Variants in TRAT1 observed in about 807,000 individuals in gnomAD.
The protein encoded by TRAT1 is T cell receptor associated transmembrane adaptor 1.
TRAT1 carries 20 observed loss-of-function variants against 20.0 expected under a neutral mutation model. That is an observed-to-expected ratio of 1.00 (90% CI 0.70 to 1.45). TRAT1 has a LOEUF of 1.45. Among genes scored for constraint, TRAT1 ranks in the 40% most tolerant of loss-of-function variants. The pLI is 0.00. For synonymous variants in TRAT1, 77 were observed against 74.2 expected (o/e 1.04, Z -0.20); for missense variants, 237 against 224.1 (o/e 1.06, Z -0.37).
In TRAT1 at chr3:108,849,220, T is replaced by A. The variant is rs1239504541; in HGVS notation, c.269T>A (p.Val90Glu). ...EQMKARPEKS[V>E]NKMQEATPSA... is the part of the protein sequence containing the mutation. ...ATGAAAGCCCGACCAGAGAAATCTG[T>A]AAATAAGATGCAGGAAGCCACCCCA... Residue 90 changes from valine (V) to glutamate (E), a missense_variant, in exon 5 of 6, where the codon GTA (valine) becomes GAA (glutamate). Physicochemically the swap from Val to Glu is moderately radical, Grantham distance 121 (BLOSUM62 -2). Transcript: ENST00000295756. The A allele has an allele frequency of 6.2e-7, 1 of 1,614,108 alleles. No individual in the cohort carries two copies. The highest frequency in any genetic ancestry group is 1.1e-5 in the South Asian group (1 of 91,076).
Position 108,854,222 on chromosome 3 carries a change from A to G in TRAT1, c.*345A>G, listed in dbSNP as rs1946025292. On this transcript the variant is annotated 3_prime_UTR_variant, in exon 6 of 6. Coordinates refer to ENST00000295756, the MANE Select transcript of TRAT1 (RefSeq NM_016388.4). ...CACAATACCTAATACTTAGGGAAAT[A>G]TAAAAATTTAAGCATGAATGTGTTC... 1 of 179,122 alleles carries G rather than the reference A, an allele frequency of 5.6e-6. No individual in the cohort carries two copies. Among genetic ancestry groups the G allele is most frequent in the Non-Finnish European group, 1.2e-5 (1 of 84,756 alleles). 11.1% of individuals were successfully genotyped at this position (179,122 alleles called of 1,614,324 possible).
At position 108,830,680 on chromosome 3, in the gene TRAT1, G is replaced by A. The variant is rs866806930; in HGVS notation, c.18G>A (p.Gly6=). 1.2e-6 allele frequency: 2 copies of A among 1,609,568 alleles called. No individual in the cohort carries two copies. The highest frequency in any genetic ancestry group is 2.7e-5 in the African/African-American group (2 of 74,954). ...TATTTTAATTTCCAGGAATCTCTGG[G>A]TGCCCCTTTTTCCTCTGGGGACTTC... is the stretch of plus-strand genomic sequence containing the variant. The part of the protein sequence containing the change: MSGIS[G]CPFFLWGLLA... The change falls in exon 2 of 6, where the codon GGG becomes GGA. Residue 6 remains glycine, a synonymous_variant. Coordinates refer to ENST00000295756, the MANE Select transcript of TRAT1 (RefSeq NM_016388.4).
chr3:108,841,517 G>A (rs575489970), intron 3 of TRAT1, among the ~76,000 whole-genome samples: 3 of 152,006 alleles, frequency 2.0e-5, no homozygotes, highest in East Asian at 1.9e-4. Flanking sequence ...TGGGGCTTGC[G>A]TTACTGATGC....
At chr3:108,829,604 C>CACACACACAG (rs1559820113) in intron 1 of TRAT1, among the ~76,000 whole-genome samples, 1 of 151,752 alleles carries the variant, frequency 6.6e-6, no homozygotes, top group African/African-American at 2.4e-5. Flanking sequence ...CACACACACA[C>CACACACACAG]ACACACACAC....
intron 1 of TRAT1, among the ~76,000 whole-genome samples, chr3:108,826,110 T>C (rs935977016): frequency 1.1e-4 from 16 of 152,166 alleles, no homozygotes; most frequent in Non-Finnish European, 2.2e-4. Flanking sequence ...TATACTTTCT[T>C]CAATTAAATT....
intron 2 of TRAT1, among the ~76,000 whole-genome samples, chr3:108,837,324 C>T (rs1945849540): frequency 6.6e-6 from 1 of 152,182 alleles, no homozygotes; most frequent in Non-Finnish European, 1.5e-5. Context: ...CAGCTTAGTG[C>T]ATATGCTCCG....
chr3:108,839,449 T>G (rs978454248), intron 3 of TRAT1: 1 of 152,450 alleles, frequency 6.6e-6, no homozygotes, highest in African/African-American at 2.4e-5. Context: ...CTGGCTAACA[T>G]GGTGAAACCC....
intron 3 of TRAT1, among the ~76,000 whole-genome samples, chr3:108,842,630 T>C (rs2715679): frequency 0.6 from 91,566 of 152,046 alleles, 28,611 homozygotes; most frequent in East Asian, 0.9. Flanking sequence ...TTCTGAGAAT[T>C]TCGGGGTTCC....
chr3:108,824,608 A>G (rs955207383), intron 1 of TRAT1, among the ~76,000 whole-genome samples: 1 of 152,234 alleles, frequency 6.6e-6, no homozygotes, highest in Non-Finnish European at 1.5e-5. Flanking sequence ...GATTGCATAT[A>G]TTATAATTTC....
In TRAT1 at chr3:108,842,567, C is replaced by T. The variant is rs562088344; in HGVS notation, c.152+3600C>T. Among the ~76,000 whole-genome samples the T allele has an allele frequency of 4.6e-5, 7 of 152,268 alleles. No homozygotes were observed. The East Asian group carries it at 1.4e-3, about 29-fold the overall frequency. On this transcript the variant is annotated intron_variant, in intron 3 of 5. Transcript: ENST00000295756. ...TGTTTCAATGTACAAATAATCATAACCCAAGCCCCAGCCCTGTATAACTAC... is the reference window on the plus strand; with the variant it reads ...TGTTTCAATGTACAAATAATCATAATCCAAGCCCCAGCCCTGTATAACTAC...
intron 2 of TRAT1, among the ~76,000 whole-genome samples, chr3:108,836,304 A>G (rs1236586084): frequency 6.6e-6 from 1 of 152,140 alleles, no homozygotes; most frequent in Non-Finnish European, 1.5e-5. Context: ...AATCCACATT[A>G]TCTTTTAAAA....
intron 4 of TRAT1, 113 bp from the exon 5 acceptor site, chr3:108,849,053 T>G: frequency 1.2e-6 from 1 of 868,346 alleles, no homozygotes; most frequent in Non-Finnish European, 1.8e-6. Flanking sequence ...ACTAGTTAAG[T>G]AATTCTTGGG....
intron 3 of TRAT1, among the ~76,000 whole-genome samples, chr3:108,839,623 C>T (rs895704286): frequency 3.0e-4 from 43 of 144,044 alleles, no homozygotes; most frequent in East Asian, 1.0e-3. Flanking sequence ...TCCAGCTGGA[C>T]GACAGAGTGA....
At chr3:108,848,489 G>A (rs1262344781) in intron 4 of TRAT1, among the ~76,000 whole-genome samples, 1 of 152,048 alleles carries the variant, frequency 6.6e-6, no homozygotes, top group Non-Finnish European at 1.5e-5. Flanking sequence ...GACATATCTG[G>A]GGGAAGAAAG....
intron 3 of TRAT1, among the ~76,000 whole-genome samples, chr3:108,840,910 C>G (rs1274724408): frequency 6.6e-6 from 1 of 152,240 alleles, no homozygotes; most frequent in African/African-American, 2.4e-5. Flanking sequence ...CTTCCTGTTC[C>G]CCACCTGCAC....
chr3:108,836,990 CAT>C (rs1945847402), intron 2 of TRAT1, among the ~76,000 whole-genome samples: 1 of 152,184 alleles, frequency 6.6e-6, no homozygotes, highest in Non-Finnish European at 1.5e-5. Context: ...AGGAAATCAA[CAT>C]ATACTTTATG....
chr3:108,824,188 A>G (rs1033584401), intron 1 of TRAT1, among the ~76,000 whole-genome samples: 1 of 152,196 alleles, frequency 6.6e-6, no homozygotes, highest in African/African-American at 2.4e-5. Context: ...TACAGTTTTT[A>G]AAAATATTTT....
chr3:108,834,250 A>G lies in TRAT1; in HGVS notation c.118+3470A>G, dbSNP rs138997850. ...AAACCTTTTATTTGAGCAGTAATGTACCCTCATTAGGTGGAGCATACACTG... is the reference window on the plus strand; with the variant it reads ...AAACCTTTTATTTGAGCAGTAATGTGCCCTCATTAGGTGGAGCATACACTG... On this transcript the variant is annotated intron_variant, in intron 2 of 5. Transcript: ENST00000295756. Among the ~76,000 whole-genome samples, 330 of 152,348 alleles carry G rather than the reference A, an allele frequency of 2.2e-3. 1 individual carries two copies. The highest frequency in any genetic ancestry group is 7.6e-3 in the African/African-American group (318 of 41,588).
chr3:108,830,574 T>C, intron 1 of TRAT1, 96 bp from the exon 2 acceptor site: 1 of 801,100 alleles, frequency 1.2e-6, no homozygotes, highest in Non-Finnish European at 2.2e-6. Flanking sequence ...TACTTCATTA[T>C]GAATAAATGC....
Sources: allele counts gnomAD v4.1 joint callset (sites outside exome capture counted in the v4.1 genomes callset), GRCh38; gene constraint gnomAD v4.1.1; transcripts MANE v1.5; gene names NCBI Gene and HGNC (gene_info 2026-07-23, HGNC 2026-07-21).